EGFL6: variants seen among roughly 807,000 people sequenced by gnomAD.
EGFL6 encodes the protein epidermal growth factor-like protein 6.
Under a neutral mutation model 43.1 loss-of-function variants are expected in EGFL6, and 42 were observed. The observed-to-expected ratio is 0.98, with a 90% CI of 0.76 to 1.26. EGFL6 has a LOEUF of 1.26. Among genes scored for constraint, EGFL6 ranks in the 50% most tolerant of loss-of-function variants. EGFL6 has a pLI of 0.00. For synonymous variants in EGFL6, 164 were observed against 163.2 expected, an observed-to-expected ratio of 1.01 and a Z score of -0.04; for missense variants, 429 against 427.8, an observed-to-expected ratio of 1.00 and a Z score of -0.02.
At chrX:13,584,170 G>A (rs764861098) in intron 1 of EGFL6, among the ~76,000 whole-genome samples, 9 of 111,892 alleles carry the variant, frequency 8.0e-5, no homozygotes, top group Admixed American at 2.8e-4. Flanking sequence ...CTGAAGGTCA[G>A]AGTTAATATA....
chrX:13,600,789 A>G (rs2045630161), intron 4 of EGFL6, among the ~76,000 whole-genome samples: 2 of 106,968 alleles, frequency 1.9e-5, no homozygotes, highest in South Asian at 8.3e-4. Context: ...GGCACCTGTA[A>G]TCTCAGAAAG....
At chrX:13,596,239 T>C (rs2045596679) in intron 3 of EGFL6, 2 of 111,793 alleles carry the variant, frequency 1.8e-5, no homozygotes, top group Admixed American at 9.5e-5. Flanking sequence ...ATATAGGGGA[T>C]GTGAGGGTGA....
At chrX:13,570,068 G>C (rs1018054136) in intron 1 of EGFL6, 133 bp downstream of exon 1, 6 of 629,137 alleles carry the variant, frequency 9.5e-6, no homozygotes, top group East Asian at 3.6e-5. Flanking sequence ...GCTGCGACGG[G>C]ATTTAACCTG....
intron 1 of EGFL6, among the ~76,000 whole-genome samples, chrX:13,584,381 T>C (rs2045523765): frequency 8.9e-6 from 1 of 111,995 alleles, no homozygotes; most frequent in Admixed American, 9.4e-5. Flanking sequence ...TTGGTCCATC[T>C]CTTACATGCT....
chrX:13,600,196 C>T, intron 4 of EGFL6, 102 bp downstream of exon 4: 1 of 787,779 alleles, frequency 1.3e-6, no homozygotes. Flanking sequence ...TTTAAAAAAT[C>T]TCTAATATTG....
chrX:13,572,220 C>A (rs2045446951), intron 1 of EGFL6, among the ~76,000 whole-genome samples: 1 of 111,082 alleles, frequency 9.0e-6, no homozygotes, highest in Non-Finnish European at 1.9e-5. Context: ...AACCAGGAGC[C>A]CCAAGTGGCT....
At chrX:13,595,832 A>G (rs1044896150) in intron 3 of EGFL6, among the ~76,000 whole-genome samples, 6 of 107,968 alleles carry the variant, frequency 5.6e-5, no homozygotes, top group Non-Finnish European at 1.1e-4. Flanking sequence ...CAATCCTCCC[A>G]TCTCAGCCTT....
chrX:13,629,428 A>T (rs1424975565), intron 11 of EGFL6, among the ~76,000 whole-genome samples: 1 of 110,793 alleles, frequency 9.0e-6, no homozygotes, highest in Non-Finnish European at 1.9e-5. Context: ...TTTTTTTTTT[A>T]AATGCACATT....
chrX:13,571,514 TA>T (rs1405030935), intron 1 of EGFL6, among the ~76,000 whole-genome samples: 1 of 111,669 alleles, frequency 9.0e-6, no homozygotes, highest in East Asian at 2.8e-4. Flanking sequence ...AAAGCCCACT[TA>T]AAAAAGACCA....
At chrX:13,579,640 T>C (rs1026642044) in intron 1 of EGFL6, among the ~76,000 whole-genome samples, 1 of 111,403 alleles carries the variant, frequency 9.0e-6, no homozygotes, top group Non-Finnish European at 1.9e-5. Context: ...CAAATAGTAG[T>C]TCTGTTTTTA....
chrX:13,623,536 G>A (rs754464894), intron 9 of EGFL6, among the ~76,000 whole-genome samples: 2 of 107,221 alleles, frequency 1.9e-5, no homozygotes, highest in Admixed American at 1.0e-4. Context: ...ACCATGCCCA[G>A]CTAATTTTTG....
chrX:13,571,282 C>T (rs779632113), intron 1 of EGFL6, among the ~76,000 whole-genome samples: 4 of 110,717 alleles, frequency 3.6e-5, no homozygotes, highest in South Asian at 3.9e-4. Flanking sequence ...ACAGGCTTCT[C>T]GAAGGTTTGC....
intron 1 of EGFL6, among the ~76,000 whole-genome samples, chrX:13,571,229 G>A (rs1232168958): frequency 2.7e-5 from 3 of 109,554 alleles, no homozygotes; most frequent in Non-Finnish European, 5.7e-5. Context: ...AAATTTTTCA[G>A]TGATGATTCC....
At chrX:13,571,010 T>A (rs2045438729) in intron 1 of EGFL6, among the ~76,000 whole-genome samples, 1 of 111,174 alleles carries the variant, frequency 9.0e-6, no homozygotes. Flanking sequence ...GATAATTATT[T>A]GTTGGGGTGA....
At chrX:13,579,051 A>AT (rs1024023864) in intron 1 of EGFL6, among the ~76,000 whole-genome samples, 1 of 111,204 alleles carries the variant, frequency 9.0e-6, no homozygotes, top group Non-Finnish European at 1.9e-5. Flanking sequence ...TTTTTAAGAC[A>AT]TTTTTTAGGG....
chrX:13,615,115 C>T (rs1046500771), intron 7 of EGFL6, among the ~76,000 whole-genome samples: 10 of 112,090 alleles, frequency 8.9e-5, no homozygotes, highest in Non-Finnish European at 1.5e-4. Context: ...AAGAGAAAAC[C>T]GTCATAATGT....
At chrX:13,613,851 G>A (rs1296752057) in intron 7 of EGFL6, among the ~76,000 whole-genome samples, 2 of 112,001 alleles carry the variant, frequency 1.8e-5, no homozygotes, top group African/African-American at 6.5e-5. Flanking sequence ...AATTCAGTTT[G>A]TAGGGTGTGT....
At chrX:13,608,467 G>A in intron 7 of EGFL6, 21 bp downstream of exon 7, 1 of 1,204,965 alleles carries the variant, frequency 8.3e-7, no homozygotes, top group Non-Finnish European at 1.1e-6. Context: ...TTTGGTCATG[G>A]TGTCTTAGCT....
chrX:13,626,608 C>T (rs977657052), intron 10 of EGFL6, among the ~76,000 whole-genome samples: 2 of 112,129 alleles, frequency 1.8e-5, no homozygotes, highest in African/African-American at 6.5e-5. Flanking sequence ...AGCTGATCAT[C>T]TTACATGTCA....
Sources: gnomAD v4.1 joint callset for allele counts (sites outside exome capture counted in the v4.1 genomes callset) on GRCh38, gnomAD v4.1.1 for gene constraint, MANE v1.5 for transcripts, NCBI Gene and HGNC (gene_info 2026-07-23, HGNC 2026-07-21) for gene names.